The following OPHN1 variants were observed in gnomAD, a reference collection of about 807,000 sequenced individuals.
OPHN1 encodes oligophrenin 1.
OPHN1 carries 11 observed loss-of-function variants against 60.7 expected under a neutral mutation model. The ratio of observed to expected loss-of-function variants is 0.18; its 90% CI spans 0.11 to 0.30. The LOEUF (loss-of-function observed/expected upper bound fraction) is 0.30, where lower values mean the gene tolerates loss of function less well. Ranked by LOEUF, OPHN1 falls within the 10% of genes least tolerant of loss-of-function variation. The probability of loss-of-function intolerance (pLI) is 1.00; values close to 1 mark genes in which losing one functional copy is unlikely to be tolerated. For missense variants in OPHN1, 449 were observed against 611.0 expected, an observed-to-expected ratio of 0.73 and a Z score of 2.80; for synonymous variants, 226 against 222.6, an observed-to-expected ratio of 1.02 and a Z score of -0.14.
chrX:68,174,495 A>C (rs1161694325), intron 15 of OPHN1, among the ~76,000 whole-genome samples: 2 of 82,782 alleles, frequency 2.4e-5, no homozygotes, highest in African/African-American at 9.4e-5. Flanking sequence ...TTTTTGAGAC[A>C]GAGTCTCACT....
intron 5 of OPHN1, among the ~76,000 whole-genome samples, chrX:68,264,008 A>G (rs1177611104): frequency 1.8e-5 from 2 of 111,598 alleles, no homozygotes; most frequent in Non-Finnish European, 3.8e-5. Flanking sequence ...TTAGTTAATT[A>G]CCCTCAGAAT....
chrX:68,425,056 A>G (rs1401109482), intron 2 of OPHN1, among the ~76,000 whole-genome samples: 1 of 112,194 alleles, frequency 8.9e-6, no homozygotes, highest in Non-Finnish European at 1.9e-5. Flanking sequence ...GGAAAATGAC[A>G]AGATACCTGC....
At chrX:68,102,755 CAAAT>C (rs1304320498) in intron 18 of OPHN1, among the ~76,000 whole-genome samples, 1 of 111,805 alleles carries the variant, frequency 8.9e-6, no homozygotes, top group African/African-American at 3.3e-5. Flanking sequence ...TACCTCTACA[CAAAT>C]AAACTAGAAA....
intron 2 of OPHN1, among the ~76,000 whole-genome samples, chrX:68,340,943 T>C (rs1833305679): frequency 9.7e-6 from 1 of 102,617 alleles, no homozygotes; most frequent in African/African-American, 3.6e-5. Context: ...GAGGTGGAGG[T>C]TGCAGCGAGC....
intron 6 of OPHN1, among the ~76,000 whole-genome samples, chrX:68,218,310 AC>A (rs1270946441): frequency 9.3e-6 from 1 of 107,221 alleles, no homozygotes; most frequent in Non-Finnish European, 1.9e-5. Context: ...TGATTGGTGT[AC>A]CTGAAAGGGA....
chrX:68,193,280 C>T (rs2077497022), intron 14 of OPHN1, among the ~76,000 whole-genome samples: 1 of 111,833 alleles, frequency 8.9e-6, no homozygotes, highest in Admixed American at 9.5e-5. Flanking sequence ...AATGGTGCTG[C>T]CATCTTAGAA....
chrX:68,427,089 TAAAAA>T (rs11446400), intron 2 of OPHN1, among the ~76,000 whole-genome samples: 1 of 72,725 alleles, frequency 1.4e-5, no homozygotes, highest in Non-Finnish European at 2.5e-5. Flanking sequence ...CCATCTCTAC[TAAAAA>T]AAAAAAAAAA....
At chrX:68,087,520 G>A (rs2077000051) in intron 19 of OPHN1, among the ~76,000 whole-genome samples, 1 of 111,658 alleles carries the variant, frequency 9.0e-6, no homozygotes, top group South Asian at 3.8e-4. Context: ...GTCTTTAGGT[G>A]TGAAAGAGAG....
chrX:68,209,919 C>T, intron 9 of OPHN1: 1 of 399,491 alleles, frequency 2.5e-6, no homozygotes, highest in Non-Finnish European at 4.4e-6. Flanking sequence ...CATTTTGAAT[C>T]TCAGAGAAAA....
At chrX:68,393,373 C>G in intron 2 of OPHN1, among the ~76,000 whole-genome samples, 1 of 112,049 alleles carries the variant, frequency 8.9e-6, no homozygotes, top group Non-Finnish European at 1.9e-5. Flanking sequence ...TCAGTGCACC[C>G]TCAAACTCCC....
At chrX:68,199,507 T>C (rs1431078863) in intron 11 of OPHN1, among the ~76,000 whole-genome samples, 4 of 111,549 alleles carry the variant, frequency 3.6e-5, no homozygotes, top group Non-Finnish European at 7.5e-5. Flanking sequence ...AAAAATCTTA[T>C]CCTCTCTTCC....
intron 18 of OPHN1, among the ~76,000 whole-genome samples, chrX:68,108,750 T>C (rs1235576969): frequency 1.8e-5 from 2 of 112,087 alleles, no homozygotes; most frequent in East Asian, 5.6e-4. Context: ...TCTGTAATTA[T>C]GCTATCAAGT....
At position 68,185,452 on chromosome X, in the gene OPHN1, G is replaced by A. The variant is rs191412845; in HGVS notation, c.1276+7467C>T. Among the ~76,000 whole-genome samples, 37 of 111,985 alleles carry A rather than the reference G, an allele frequency of 3.3e-4. No individual in the cohort carries two copies. The East Asian group carries it at 8.5e-3, about 26-fold the overall frequency. ...CATGGACAGAGAAATGTCAGAGCAT[G>A]TACTACCCACCTGGGCATTTTGTAA... On this transcript the variant is annotated intron_variant, in intron 15 of 24. Transcript: ENST00000355520.
At chrX:68,358,588 G>T (rs1486167253) in intron 2 of OPHN1, among the ~76,000 whole-genome samples, 1 of 111,535 alleles carries the variant, frequency 9.0e-6, no homozygotes, top group African/African-American at 3.3e-5. Context: ...AAATCAACTA[G>T]AACAACATAG....
chrX:68,349,484 G>A (rs541428327), intron 2 of OPHN1, among the ~76,000 whole-genome samples: 6 of 111,962 alleles, frequency 5.4e-5, no homozygotes, highest in East Asian at 2.8e-4. Flanking sequence ...TCCAACCATC[G>A]TGGAAGTCAG....
chrX:68,090,522 G>A (rs1385230988), intron 19 of OPHN1, among the ~76,000 whole-genome samples: 1 of 110,602 alleles, frequency 9.0e-6, no homozygotes, highest in African/African-American at 3.3e-5. Flanking sequence ...GGACTGGAAG[G>A]GTCTGTTTCC....
At chrX:68,297,781 T>A (rs931614382) in intron 3 of OPHN1, among the ~76,000 whole-genome samples, 4 of 110,880 alleles carry the variant, frequency 3.6e-5, no homozygotes, top group African/African-American at 1.3e-4. Context: ...ATAAAACTTG[T>A]GAAAAATCTT....
intron 15 of OPHN1, among the ~76,000 whole-genome samples, chrX:68,122,742 G>A (rs1008886670): frequency 1.8e-5 from 2 of 110,388 alleles, no homozygotes. Flanking sequence ...TAACATAATT[G>A]ATCAAGCAGA....
At chrX:68,316,345 C>A (rs1175683199) in intron 2 of OPHN1, among the ~76,000 whole-genome samples, 1 of 111,960 alleles carries the variant, frequency 8.9e-6, no homozygotes, top group Non-Finnish European at 1.9e-5. Flanking sequence ...AACACCCCAA[C>A]CAAAATTAGC....
Sources: gnomAD v4.1 joint callset for allele counts (sites outside exome capture counted in the v4.1 genomes callset) on GRCh38, gnomAD v4.1.1 for gene constraint, MANE v1.5 for transcripts, NCBI Gene and HGNC (gene_info 2026-07-23, HGNC 2026-07-21) for gene names.